Variants in FLVCR2 observed in about 807,000 individuals in gnomAD.
FLVCR2 encodes choline/ethanolamine transporter FLVCR2.
FLVCR2 carries 38 observed loss-of-function variants against 48.9 expected under a neutral mutation model. That is an observed-to-expected ratio of 0.78 (90% CI 0.60 to 1.02). The LOEUF (loss-of-function observed/expected upper bound fraction) is 1.02. Ranked by LOEUF, FLVCR2 falls within the 50% of genes least tolerant of loss-of-function variation. FLVCR2 has a pLI of 0.00. For synonymous variants in FLVCR2, 255 were observed against 257.0 expected (o/e 0.99, Z 0.07); for missense variants, 664 against 663.3 (o/e 1.00, Z -0.01).
intron 1 of FLVCR2, among the ~76,000 whole-genome samples, chr14:75,603,910 A>G (rs143159090): frequency 7.9e-5 from 12 of 152,346 alleles, no homozygotes; most frequent in African/African-American, 2.6e-4. Flanking sequence ...TTTCACTGAC[A>G]CATCTGTCCT....
At chr14:75,586,147 C>CT (rs1261473157) in intron 1 of FLVCR2, among the ~76,000 whole-genome samples, 230 of 152,314 alleles carry the variant, frequency 1.5e-3, no homozygotes, top group Admixed American at 2.2e-3. Flanking sequence ...CACCTGGGTG[C>CT]AGGCAGGCTG....
At position 75,641,247 on chromosome 14, in the gene FLVCR2, G is replaced by A. The variant is rs780980342; in HGVS notation, c.1407G>A (p.Gly469=). The A allele has an allele frequency of 6.2e-7, 1 of 1,614,068 alleles. No individual in the cohort carries two copies. The highest frequency in any genetic ancestry group is 1.1e-5 in the South Asian group (1 of 91,074). ...TTGACAACTATGGAACCAAGCCTGGGAACATCTTCCTGTGTGTGTTCCTTA... is the reference window on the plus strand; with the variant it reads ...TTGACAACTATGGAACCAAGCCTGGAAACATCTTCCTGTGTGTGTTCCTTA... ...QIIDNYGTKP[G]NIFLCVFLTL... Residue 469 remains glycine, a synonymous_variant, in exon 8 of 10, where the codon GGG becomes GGA. Coordinates refer to ENST00000238667, the MANE Select transcript of FLVCR2 (RefSeq NM_017791.3).
At chr14:75,597,934 G>A (rs989439041) in intron 1 of FLVCR2, among the ~76,000 whole-genome samples, 1 of 152,042 alleles carries the variant, frequency 6.6e-6, no homozygotes, top group Non-Finnish European at 1.5e-5. Context: ...TTGAAACCAC[G>A]AGGAGGAAAG....
At chr14:75,619,619 A>G (rs139166951) in intron 1 of FLVCR2, among the ~76,000 whole-genome samples, 72 of 152,368 alleles carry the variant, frequency 4.7e-4, no homozygotes, top group African/African-American at 1.7e-3. Context: ...TGAAAAAACA[A>G]AAGAGGAAGC....
intron 1 of FLVCR2, among the ~76,000 whole-genome samples, chr14:75,605,225 G>A (rs952457978): frequency 3.3e-5 from 5 of 152,168 alleles, no homozygotes; most frequent in African/African-American, 1.2e-4. Context: ...TGCCATCAAG[G>A]ATGATTAAAA....
intron 1 of FLVCR2, among the ~76,000 whole-genome samples, chr14:75,581,101 G>A (rs1213871855): frequency 2.6e-5 from 4 of 152,176 alleles, no homozygotes; most frequent in Non-Finnish European, 5.9e-5. Context: ...GCTGAAGAAC[G>A]GTTTTGGGGT....
intron 5 of FLVCR2, among the ~76,000 whole-genome samples, chr14:75,637,530 C>G (rs1050305465): frequency 2.0e-5 from 3 of 151,768 alleles, no homozygotes; most frequent in Non-Finnish European, 4.4e-5. Flanking sequence ...ATCGAGACCA[C>G]CCTGGCTAAC....
At chr14:75,609,363 GCAGGTCCCTGAGTAACT>G in intron 1 of FLVCR2, among the ~76,000 whole-genome samples, 1 of 152,200 alleles carries the variant, frequency 6.6e-6, no homozygotes, top group South Asian at 2.1e-4. Context: ...TTTTAGCTAA[GCAGGTCCCTGAGTAACT>G]CCCTAAATAA....
At chr14:75,624,031 G>A (rs774572439) in intron 2 of FLVCR2, among the ~76,000 whole-genome samples, 11 of 151,952 alleles carry the variant, frequency 7.2e-5, no homozygotes, top group East Asian at 1.9e-4. Context: ...CAGCCTGGGC[G>A]ACAGAGCGAG....
rs574438085 is a variant in FLVCR2 at position 75,619,220 on chromosome 14, C to T, written c.670-2859C>T. On this transcript the variant is annotated intron_variant, in intron 1 of 9. Transcript: ENST00000238667. Reference sequence around the variant, plus strand: ...CCGTCCTGGTGACAGAGTGAGACCCCGTCTCAGAAAATAATAATAATTAAT... The same window carrying T: ...CCGTCCTGGTGACAGAGTGAGACCCTGTCTCAGAAAATAATAATAATTAAT... Among the ~76,000 whole-genome samples, 24 of 151,836 alleles carry T rather than the reference C, an allele frequency of 1.6e-4. No homozygotes were observed. The East Asian group carries it at 3.5e-3, about 22-fold the overall frequency.
intron 1 of FLVCR2, among the ~76,000 whole-genome samples, chr14:75,587,041 T>C (rs1041168009): frequency 8.5e-5 from 13 of 152,170 alleles, no homozygotes; most frequent in African/African-American, 2.4e-5. Context: ...CTAATTGCTA[T>C]GGGAAAGGCT....
intron 3 of FLVCR2, among the ~76,000 whole-genome samples, chr14:75,625,283 C>T (rs915837730): frequency 6.6e-6 from 1 of 151,988 alleles, no homozygotes; most frequent in Admixed American, 6.6e-5. Context: ...CCTCCCTCAT[C>T]CTGTAATTGA....
intron 5 of FLVCR2, among the ~76,000 whole-genome samples, chr14:75,638,453 GAAAA>G (rs1051837177): frequency 1.3e-5 from 2 of 151,758 alleles, no homozygotes; most frequent in African/African-American, 4.8e-5. Context: ...AAGGACAAAA[GAAAA>G]AAAAGAAAAG....
chr14:75,585,883 A>G (rs1246279863), intron 1 of FLVCR2, among the ~76,000 whole-genome samples: 3 of 152,194 alleles, frequency 2.0e-5, no homozygotes, highest in Non-Finnish European at 4.4e-5. Flanking sequence ...AGGAAGATTG[A>G]AGGGTAGCAA....
At chr14:75,588,393 G>A (rs1317290735) in intron 1 of FLVCR2, among the ~76,000 whole-genome samples, 1 of 152,168 alleles carries the variant, frequency 6.6e-6, no homozygotes, top group Non-Finnish European at 1.5e-5. Flanking sequence ...TGAAGGTAGA[G>A]CCCTCATGAC....
At chr14:75,617,849 G>A (rs1304013995) in intron 1 of FLVCR2, among the ~76,000 whole-genome samples, 1 of 152,190 alleles carries the variant, frequency 6.6e-6, no homozygotes, top group African/African-American at 2.4e-5. Context: ...CCTCATGTAA[G>A]GGATTAGAGC....
At chr14:75,591,964 C>T (rs1266192222) in intron 1 of FLVCR2, among the ~76,000 whole-genome samples, 6 of 151,796 alleles carry the variant, frequency 4.0e-5, no homozygotes, top group Non-Finnish European at 8.8e-5. Context: ...AGGCATGCAC[C>T]ACTGCACCTG....
chr14:75,604,074 C>T (rs1403804355), intron 1 of FLVCR2: 1 of 152,366 alleles, frequency 6.6e-6, no homozygotes, highest in South Asian at 2.1e-4. Context: ...GGGTTGTCTT[C>T]TTGATGTGAC....
chr14:75,621,091 C>A (rs1343921318), intron 1 of FLVCR2, among the ~76,000 whole-genome samples: 1 of 152,118 alleles, frequency 6.6e-6, no homozygotes, highest in Non-Finnish European at 1.5e-5. Context: ...GCCTTTCTGA[C>A]CTCGGAAACA....
Sources: allele counts gnomAD v4.1 joint callset (sites outside exome capture counted in the v4.1 genomes callset), GRCh38; gene constraint gnomAD v4.1.1; transcripts MANE v1.5; gene names NCBI Gene and HGNC (gene_info 2026-07-23, HGNC 2026-07-21).